SLC25A23: variants seen among roughly 807,000 people sequenced by gnomAD.
SLC25A23 encodes the protein solute carrier family 25 member 23.
In SLC25A23, 32 loss-of-function variants were observed where a neutral mutation model predicts 53.9. The ratio of observed to expected loss-of-function variants is 0.59; its 90% CI spans 0.45 to 0.80. SLC25A23 has a LOEUF of 0.80. Ranked by LOEUF, SLC25A23 falls within the 30% of genes least tolerant of loss-of-function variation. The pLI is 0.00. For synonymous variants in SLC25A23, 275 were observed against 264.5 expected (o/e 1.04, Z -0.38); for missense variants, 575 against 651.4 (o/e 0.88, Z 1.28).
intron 2 of SLC25A23, among the ~76,000 whole-genome samples, chr19:6,457,898 G>A (rs1372386154): frequency 6.6e-6 from 1 of 152,124 alleles, no homozygotes; most frequent in Non-Finnish European, 1.5e-5. Context: ...ATGCTGCTAT[G>A]AGGGGATCTC....
At chr19:6,451,830 C>CTTTTTTTTTT (rs1222647154) in intron 8 of SLC25A23, among the ~76,000 whole-genome samples, 2 of 124,252 alleles carry the variant, frequency 1.6e-5, no homozygotes, top group African/African-American at 7.1e-5. Flanking sequence ...CTTTGCCTGC[C>CTTTTTTTTTT]TTTTTTTTTT....
chr19:6,444,288 C>G lies in SLC25A23; in HGVS notation c.1085G>C (p.Trp362Ser). Reference protein sequence around the residue: ...DLAVYETLKNWWLQQYSHDSA... With the variant: ...DLAVYETLKNSWLQQYSHDSA... ...GTCGTGGCTGTACTGCTGAAGCCACCAGTTCTTCAGAGTCTGGAGTGGAGA... is the reference window on the plus strand; with the variant it reads ...GTCGTGGCTGTACTGCTGAAGCCACGAGTTCTTCAGAGTCTGGAGTGGAGA... The change falls in exon 9 of 10, where the codon TGG (tryptophan) becomes TCG (serine). Residue 362 changes from tryptophan to serine, a missense_variant. Trp to Ser is a radical substitution (Grantham distance 177). Coordinates refer to ENST00000301454, the MANE Select transcript of SLC25A23 (RefSeq NM_024103.3). 1 of 1,601,892 alleles carries G rather than the reference C, an allele frequency of 6.2e-7. No individual in the cohort carries two copies. The highest frequency in any genetic ancestry group is 8.5e-7 in the Non-Finnish European group (1 of 1,173,980).
chr19:6,436,404 A>G (rs1016927039), downstream of SLC25A23: 10 of 456,028 alleles, frequency 2.2e-5, no homozygotes, highest in Admixed American at 1.9e-4. Context: ...TTACATGGCT[A>G]TTGGCTGAGT....
chr19:6,452,913 C>T (rs2092612627), intron 7 of SLC25A23, among the ~76,000 whole-genome samples: 1 of 152,196 alleles, frequency 6.6e-6, no homozygotes, highest in South Asian at 2.1e-4. Context: ...AGCAAGCACA[C>T]AGCCACTAGA....
chr19:6,450,576 G>T (rs1301217313), intron 8 of SLC25A23, among the ~76,000 whole-genome samples: 1 of 152,164 alleles, frequency 6.6e-6, no homozygotes, highest in Non-Finnish European at 1.5e-5. Flanking sequence ...CAGAGTAGAT[G>T]GTCAGTAAAT....
At chr19:6,455,707 GTTTTTTTTTTTTTTT>G (rs529957147) in intron 4 of SLC25A23, among the ~76,000 whole-genome samples, 3 of 124,952 alleles carry the variant, frequency 2.4e-5, no homozygotes, top group East Asian at 2.8e-4. Context: ...TGAAGACCGT[GTTTTTTTTTTTTTTT>G]TTTTTTTTTT....
intron 2 of SLC25A23, 118 bp downstream of exon 2, chr19:6,458,080 C>T (rs556839619): frequency 3.0e-6 from 4 of 1,323,086 alleles, no homozygotes; most frequent in East Asian, 2.4e-5. Flanking sequence ...TATGAGTCAT[C>T]GGGGAGAAGC....
At chr19:6,437,761 A>G (rs2144705096), downstream of SLC25A23, among the ~76,000 whole-genome samples, 1 of 149,442 alleles carries the variant, frequency 6.7e-6, no homozygotes, top group South Asian at 2.1e-4. Context: ...GTGAGCCAAG[A>G]TCGCGCCAGT....
chr19:6,451,100 G>T (rs1359537004), intron 8 of SLC25A23, among the ~76,000 whole-genome samples: 1 of 129,194 alleles, frequency 7.7e-6, no homozygotes, highest in African/African-American at 3.0e-5. Context: ...AAAAAATTAA[G>T]AATTTCAGGC....
chr19:6,444,943 A>C (rs1469962921), intron 8 of SLC25A23, among the ~76,000 whole-genome samples: 2 of 152,090 alleles, frequency 1.3e-5, no homozygotes, highest in African/African-American at 4.8e-5. Context: ...CTGGGATTAC[A>C]GGAATGAGCC....
At chr19:6,458,355 C>T (rs369189212) in intron 1 of SLC25A23, 31 bp from the exon 2 acceptor site, 32 of 1,605,394 alleles carry the variant, frequency 2.0e-5, no homozygotes, top group African/African-American at 2.7e-5. Context: ...AGAGGTGGCT[C>T]CAGGAACCTG....
Position 6,454,738 on chromosome 19 carries a change from GGT to G in SLC25A23, c.484-23_484-22del, listed in dbSNP as rs1210573063. 1 of 1,612,112 alleles carries G rather than the reference GGT, an allele frequency of 6.2e-7. No individual in the cohort carries two copies. Among genetic ancestry groups the G allele is most frequent in the South Asian group, 1.1e-5 (1 of 90,904 alleles). On this transcript the variant is annotated intron_variant, in intron 4 of 9. Transcript: ENST00000301454. This position sits in a 1 kb window ranked among gnomAD's most constrained non-coding sequence, Gnocchi z 4.3. ...AGGACCTAAAGATACAGGTGTTGGG[GGT>G]GTCATGCCATGGTGGGGACAGGGAG... is the stretch of plus-strand genomic sequence containing the variant.
intron 3 of SLC25A23, 110 bp from the exon 4 acceptor site, chr19:6,456,641 T>G: frequency 1.4e-6 from 1 of 711,428 alleles, no homozygotes; most frequent in East Asian, 2.6e-5. Flanking sequence ...AGTCCTCATA[T>G]CAACCCTATT....
At chr19:6,457,391 A>C in intron 3 of SLC25A23, 112 bp downstream of exon 3, 1 of 962,016 alleles carries the variant, frequency 1.0e-6, no homozygotes, top group Non-Finnish European at 1.6e-6. Flanking sequence ...TCAAAGCCCC[A>C]ACCTCTCAGC....
chr19:6,454,381 C>G lies in SLC25A23; in HGVS notation c.737G>C (p.Gly246Ala). The change falls in exon 6 of 10, where the codon GGT (glycine) becomes GCT (alanine). Residue 246 changes from glycine to alanine, a missense_variant. By Grantham distance (60) the Gly-to-Ala change is moderately conservative. Coordinates refer to ENST00000301454, the MANE Select transcript of SLC25A23 (RefSeq NM_024103.3). This position sits in a 1 kb window ranked among gnomAD's most constrained non-coding sequence, Gnocchi z 4.3. The part of the protein sequence containing the change: ...GGIRSLWRGN[G>A]INVLKIAPES... Reference sequence around the variant, plus strand: ...GGGGGCAATCTTGAGTACATTAATACCATTGCCGCGCCACAGGGAGCGGAT... The same window carrying G: ...GGGGGCAATCTTGAGTACATTAATAGCATTGCCGCGCCACAGGGAGCGGAT... 1 of 1,614,198 alleles carries G rather than the reference C, an allele frequency of 6.2e-7. No individual in the cohort carries two copies. Among genetic ancestry groups the G allele is most frequent in the African/African-American group, 1.3e-5 (1 of 75,060 alleles).
rs1265054852 is a variant in SLC25A23, at chr19:6,440,763, C to T, written c.*1212G>A. On this transcript the variant is annotated 3_prime_UTR_variant, in exon 10 of 10. Transcript: ENST00000301454. ...GGGCTTCCTTCCCCACAGACTCCCT[C>T]GACCATGCAATTTCATGTCATGAGA... 9.2e-5 allele frequency: 14 copies of T among 152,178 alleles called. No homozygotes were observed. Among genetic ancestry groups the T allele is most frequent in the African/African-American group, 2.6e-4 (11 of 41,532 alleles). 9.4% of individuals were successfully genotyped at this position (152,178 alleles called of 1,614,324 possible). A position where few individuals can be genotyped will look rare whatever the true frequency, so the allele number is the denominator to read the frequency against.
chr19:6,458,056 C>T, intron 2 of SLC25A23, 142 bp downstream of exon 2: 1 of 1,125,268 alleles, frequency 8.9e-7, no homozygotes, highest in Non-Finnish European at 1.2e-6. Context: ...GTGAGGAGTG[C>T]TCCTGAAATA....
intron 4 of SLC25A23, among the ~76,000 whole-genome samples, chr19:6,455,509 T>G (rs532207719): frequency 6.6e-6 from 1 of 151,950 alleles, no homozygotes; most frequent in Admixed American, 6.6e-5. Flanking sequence ...CTAACCAAGG[T>G]CCCCATGAAT....
In SLC25A23 at chr19:6,454,219, G is replaced by A; in HGVS notation, c.795+104C>T. On this transcript the variant is annotated intron_variant, in intron 6 of 9. Coordinates refer to ENST00000301454, the MANE Select transcript of SLC25A23 (RefSeq NM_024103.3). This position sits in a 1 kb window ranked among gnomAD's most constrained non-coding sequence, Gnocchi z 4.3. ...TGCAGAGGAGCAGATGCCTGATCCTGGGGACCTGTGTTCACCACCCACCCC... is the reference window on the plus strand; with the variant it reads ...TGCAGAGGAGCAGATGCCTGATCCTAGGGACCTGTGTTCACCACCCACCCC... 2 of 1,516,362 alleles carry A rather than the reference G, an allele frequency of 1.3e-6. No individual in the cohort carries two copies. The highest frequency in any genetic ancestry group is 1.8e-6 in the Non-Finnish European group (2 of 1,119,030). 93.9% of individuals were successfully genotyped at this position (1,516,362 alleles called of 1,614,324 possible).
Sources: gnomAD v4.1 joint callset for allele counts (sites outside exome capture counted in the v4.1 genomes callset) on GRCh38, gnomAD v4.1.1 for gene constraint, Gnocchi (gnomAD v3.1) non-coding constraint, MANE v1.5 for transcripts, NCBI Gene and HGNC (gene_info 2026-07-23, HGNC 2026-07-21) for gene names.